ACOT11: variants seen among roughly 807,000 people sequenced by gnomAD.
The protein encoded by ACOT11 is acyl-coenzyme A thioesterase 11.
Under a neutral mutation model 77.5 loss-of-function variants are expected in ACOT11, and 69 were observed. That is an observed-to-expected ratio of 0.89 (90% CI 0.73 to 1.09). The LOEUF is 1.09. Among genes scored for constraint, ACOT11 ranks in the 50% least tolerant of loss-of-function variants. ACOT11 has a pLI of 0.00. For missense variants in ACOT11, 766 were observed against 813.7 expected, an observed-to-expected ratio of 0.94 and a Z score of 0.71; for synonymous variants, 279 against 313.0, an observed-to-expected ratio of 0.89 and a Z score of 1.15.
In ACOT11 at chr1:54,627,964, C is replaced by T. The variant is rs1356915274; in HGVS notation, c.1630-2770C>T. Among the ~76,000 whole-genome samples, 7 of 132,536 alleles carry T rather than the reference C, an allele frequency of 5.3e-5. 2 individuals carry two copies. Among genetic ancestry groups the T allele is most frequent in the Non-Finnish European group, 1.2e-4 (7 of 58,570 alleles). 86.9% of individuals were successfully genotyped at this position (132,536 alleles called of 152,430 possible). A position where few individuals can be genotyped will look rare whatever the true frequency, so the allele number is the denominator to read the frequency against. On this transcript the variant is annotated intron_variant, in intron 15 of 16. Transcript: ENST00000371316. ...GGGGAGAGAAATGAGACTGGGGAGCCCCGGAGGCCTGGGTCACCCTGATAA... is the reference window on the plus strand; with the variant it reads ...GGGGAGAGAAATGAGACTGGGGAGCTCCGGAGGCCTGGGTCACCCTGATAA...
intron 10 of ACOT11, 29 bp downstream of exon 10, chr1:54,602,753 T>G (rs1298615723): frequency 1.3e-6 from 2 of 1,512,958 alleles, no homozygotes; most frequent in African/African-American, 2.8e-5. Context: ...GTGGGCAGAA[T>G]GTGGATTCGG....
downstream of ACOT11, chr1:54,612,412 G>GGGGCACAGCGGGCT: frequency 9.0e-7 from 1 of 1,114,548 alleles, no homozygotes; most frequent in Middle Eastern, 2.0e-4. Flanking sequence ...GACCCTTCCA[G>GGGGCACAGCGGGCT]CCATGAGCTT....
chr1:54,616,042 A>G (rs777059546), intron 15 of ACOT11: 3 of 1,614,038 alleles, frequency 1.9e-6, no homozygotes, highest in South Asian at 2.2e-5. Context: ...AGCCCAGCAC[A>G]GCGTCCAGCC....
intron 15 of ACOT11, chr1:54,619,994 C>T: frequency 6.2e-7 from 1 of 1,613,154 alleles, no homozygotes; most frequent in South Asian, 1.1e-5. Flanking sequence ...GGCTGCAGGC[C>T]TCCAGCTCAC....
rs2101004622 is a variant in ACOT11 at position 54,605,165 on chromosome 1, G to T, written c.1326G>T (p.Leu442=). Residue 442 remains leucine (L), a synonymous_variant, in exon 13 of 16, where the codon CTG becomes CTT. Coordinates refer to ENST00000343744, the MANE Select transcript of ACOT11 (RefSeq NM_147161.4). The part of the protein sequence containing the change: ...VHVDAAQAFL[L]LSDLRQRPEW... ...TGGATGCAGCCCAGGCCTTCCTGCT[G>T]CTCTCGGACCTGCGTCAGAGGCCAG... 6.2e-7 allele frequency: 1 copy of T among 1,613,870 alleles called. No individual in the cohort carries two copies.
intron 15 of ACOT11, chr1:54,619,934 C>T: frequency 6.2e-7 from 1 of 1,614,180 alleles, no homozygotes; most frequent in Non-Finnish European, 8.5e-7. Flanking sequence ...AGGCATCTCG[C>T]CGGCTGATCT....
chr1:54,551,454 T>C (rs985742119), intron 1 of ACOT11, among the ~76,000 whole-genome samples: 2 of 152,184 alleles, frequency 1.3e-5, no homozygotes, highest in African/African-American at 4.8e-5. Context: ...AAGGTCTCCC[T>C]GTCCCGCTTC....
chr1:54,566,373 C>G (rs544101), intron 1 of ACOT11, among the ~76,000 whole-genome samples: 11,671 of 151,070 alleles, frequency 0.077, 500 homozygotes, highest in Middle Eastern at 0.13. Context: ...ACGAGAATCG[C>G]TAGAACCCGG....
At chr1:54,570,337 T>C (rs1398684512) in intron 1 of ACOT11, among the ~76,000 whole-genome samples, 1 of 152,182 alleles carries the variant, frequency 6.6e-6, no homozygotes, top group Non-Finnish European at 1.5e-5. Flanking sequence ...AGAGAGGATG[T>C]GTTCAACTGG....
exon 17 of ACOT11, chr1:54,638,190 A>T (rs1363896202): frequency 6.6e-6 from 1 of 152,186 alleles, no homozygotes; most frequent in Non-Finnish European, 1.5e-5. Flanking sequence ...ATTGATCACC[A>T]AAAAGGTGGC....
intron 15 of ACOT11, among the ~76,000 whole-genome samples, chr1:54,627,621 G>A (rs1317674543): frequency 7.4e-6 from 1 of 135,084 alleles, no homozygotes; most frequent in Non-Finnish European, 1.7e-5. Flanking sequence ...TATTAATAGA[G>A]CTGGTGCACA....
At chr1:54,632,763 G>A (rs1321721101) in intron 16 of ACOT11, among the ~76,000 whole-genome samples, 3 of 152,174 alleles carry the variant, frequency 2.0e-5, no homozygotes, top group African/African-American at 7.2e-5. Context: ...ACTCATTTCT[G>A]TACAGCACTG....
downstream of ACOT11, chr1:54,611,578 C>T (rs773823894): frequency 1.2e-6 from 2 of 1,612,022 alleles, no homozygotes; most frequent in South Asian, 1.1e-5. Flanking sequence ...ATCCAGCCCA[C>T]ACCACCCTTC....
At chr1:54,625,176 C>CACTTGGACGACCCAGAGTGTAGCTCTGGT (rs1295971273) in intron 15 of ACOT11, among the ~76,000 whole-genome samples, 1 of 151,262 alleles carries the variant, frequency 6.6e-6, no homozygotes. Flanking sequence ...GGAGCCCAGG[C>CACTTGGACGACCCAGAGTGTAGCTCTGGT]TCAATTCTCA....
intron 7 of ACOT11, chr1:54,597,748 G>T (rs1643907719): frequency 3.6e-6 from 1 of 280,862 alleles, no homozygotes; most frequent in Non-Finnish European, 6.7e-6. Flanking sequence ...ACCATTTGCT[G>T]TTCTCTGTTC....
intron 3 of ACOT11, among the ~76,000 whole-genome samples, chr1:54,586,238 G>T (rs1477910214): frequency 2.6e-5 from 4 of 152,070 alleles, no homozygotes; most frequent in African/African-American, 9.7e-5. Flanking sequence ...AATGGATGGG[G>T]TTAGACTTAA....
At chr1:54,567,238 A>G (rs1211376233) in intron 1 of ACOT11, among the ~76,000 whole-genome samples, 1 of 151,618 alleles carries the variant, frequency 6.6e-6, no homozygotes, top group Non-Finnish European at 1.5e-5. Flanking sequence ...CACTCATTCT[A>G]AGCTTGGATC....
Position 54,605,142 on chromosome 1 carries a change from G to A in ACOT11, c.1303G>A (p.Asp435Asn). Residue 435 changes from aspartate to asparagine, a missense_variant, in exon 13 of 16, where the codon GAT (aspartate) becomes AAT (asparagine). By Grantham distance (23) the Asp-to-Asn change is conservative (BLOSUM62 1). Transcript: ENST00000343744. ...SFHMEMVVHVDAAQAFLLLSD... is the reference protein window; with the variant it reads ...SFHMEMVVHVNAAQAFLLLSD... ...CCACATGGAGATGGTGGTGCATGTG[G>A]ATGCAGCCCAGGCCTTCCTGCTGCT... The A allele has an allele frequency of 1.4e-5, 23 of 1,614,046 alleles. No individual in the cohort carries two copies. Among genetic ancestry groups the A allele is most frequent in the Non-Finnish European group, 1.9e-5 (23 of 1,180,034 alleles).
chr1:54,571,068 TCTC>T (rs1166970991), intron 1 of ACOT11, among the ~76,000 whole-genome samples: 6 of 139,886 alleles, frequency 4.3e-5, no homozygotes, highest in Admixed American at 6.8e-5. Flanking sequence ...ATATTCTCTC[TCTC>T]TTTTTTTTTT....
Sources: allele counts gnomAD v4.1 joint callset (sites outside exome capture counted in the v4.1 genomes callset), GRCh38; gene constraint gnomAD v4.1.1; transcripts MANE v1.5; gene names NCBI Gene and HGNC (gene_info 2026-07-23, HGNC 2026-07-21).